KCNH7: variants seen among roughly 807,000 people sequenced by gnomAD.
The protein encoded by KCNH7 is potassium voltage-gated channel subfamily H member 7, also known as voltage-gated inwardly rectifying potassium channel KCNH7.
A neutral mutation model predicts 120.8 loss-of-function variants in KCNH7; 49 were observed. The ratio of observed to expected loss-of-function variants is 0.41; its 90% CI spans 0.32 to 0.51. KCNH7 has a LOEUF of 0.51. Ranked by LOEUF, KCNH7 falls within the 20% of genes least tolerant of loss-of-function variation. KCNH7 has a pLI of 0.38. For missense variants in KCNH7, 1,097 were observed against 1,446.6 expected, an observed-to-expected ratio of 0.76 and a Z score of 3.92; for synonymous variants, 547 against 516.1, an observed-to-expected ratio of 1.06 and a Z score of -0.81.
At chr2:162,481,557 C>CA (rs2105682734) in intron 6 of KCNH7, among the ~76,000 whole-genome samples, 1 of 152,286 alleles carries the variant, frequency 6.6e-6, no homozygotes, top group South Asian at 2.1e-4. Context: ...AGTGTCTCCC[C>CA]ATCATTTCCA....
At chr2:162,465,107 A>G (rs1336499996) in intron 6 of KCNH7, among the ~76,000 whole-genome samples, 1 of 152,166 alleles carries the variant, frequency 6.6e-6, no homozygotes, top group Non-Finnish European at 1.5e-5. Context: ...CCAAGACCTT[A>G]TTATACTGTT....
intron 2 of KCNH7, among the ~76,000 whole-genome samples, chr2:162,763,900 T>C (rs1213362652): frequency 1.3e-5 from 2 of 152,030 alleles, no homozygotes; most frequent in Non-Finnish European, 2.9e-5. Flanking sequence ...GTAAACAATG[T>C]GACAAATACC....
chr2:162,660,830 T>C (rs911073720), intron 2 of KCNH7, among the ~76,000 whole-genome samples: 3 of 152,150 alleles, frequency 2.0e-5, no homozygotes, highest in Admixed American at 6.6e-5. Flanking sequence ...ATAAACACCA[T>C]GAGAAGTTAA....
intron 2 of KCNH7, among the ~76,000 whole-genome samples, chr2:162,741,219 TATTA>T (rs1255669136): frequency 7.4e-6 from 1 of 135,860 alleles, no homozygotes; most frequent in African/African-American, 3.1e-5. Context: ...AATAACATGT[TATTA>T]GTTATACATA....
At chr2:162,437,535 C>T (rs1333482262) in intron 7 of KCNH7, among the ~76,000 whole-genome samples, 3 of 152,072 alleles carry the variant, frequency 2.0e-5, no homozygotes, top group Non-Finnish European at 4.4e-5. Flanking sequence ...TGTGCTACGA[C>T]TTTGGAACAG....
rs111723957 is a variant in KCNH7 at position 162,793,972 on chromosome 2, G to A, written c.307+42565C>T. On this transcript the variant is annotated intron_variant, in intron 2 of 15. Coordinates refer to ENST00000332142, the MANE Select transcript of KCNH7 (RefSeq NM_033272.4). ...CAAAAAAAGGTAACTATGTGAGGTAGTAGGTATGTTAATTGATTGTGGTGA... is the reference window on the plus strand; with the variant it reads ...CAAAAAAAGGTAACTATGTGAGGTAATAGGTATGTTAATTGATTGTGGTGA... Among the ~76,000 whole-genome samples, 523 of 152,092 alleles carry A rather than the reference G, an allele frequency of 3.4e-3. 3 individuals carry two copies. Among genetic ancestry groups the A allele is most frequent in the African/African-American group, 0.012 (495 of 41,518 alleles).
At chr2:162,661,607 A>G (rs1412184800) in intron 2 of KCNH7, among the ~76,000 whole-genome samples, 5 of 152,170 alleles carry the variant, frequency 3.3e-5, no homozygotes, top group Non-Finnish European at 7.3e-5. Context: ...GATATCGTTG[A>G]TACCTTGGAG....
At chr2:162,636,210 T>C (rs1683956977) in intron 2 of KCNH7, among the ~76,000 whole-genome samples, 1 of 152,090 alleles carries the variant, frequency 6.6e-6, no homozygotes, top group Admixed American at 6.6e-5. Flanking sequence ...CACTATCAAA[T>C]CAGGGTAAAT....
At chr2:162,642,656 G>A (rs1284677918) in intron 2 of KCNH7, among the ~76,000 whole-genome samples, 1 of 152,136 alleles carries the variant, frequency 6.6e-6, no homozygotes, top group Non-Finnish European at 1.5e-5. Context: ...ACACTGTGGT[G>A]GCTCCTAGGA....
Position 162,396,896 on chromosome 2 carries a change from T to C in KCNH7, c.2457A>G (p.Gly819=), listed in dbSNP as rs760663691. The stretch of plus-strand genomic sequence containing the variant: ...GGGCTCTTACATCTGCATTAGACTT[T>C]CCAGGTTTGGCATAAAGATGAACCA... ...GEMVHLYAKP[G]KSNADVRALT... is the part of the protein sequence containing the mutation. Residue 819 remains glycine, a synonymous_variant, in exon 11 of 16, where the codon GGA becomes GGG. Coordinates refer to ENST00000332142, the MANE Select transcript of KCNH7 (RefSeq NM_033272.4). The C allele has an allele frequency of 1.2e-6, 2 of 1,611,494 alleles. No homozygotes were observed. Among genetic ancestry groups the C allele is most frequent in the African/African-American group, 1.3e-5 (1 of 74,874 alleles).
At chr2:162,757,855 G>T (rs1393469313) in intron 2 of KCNH7, among the ~76,000 whole-genome samples, 1 of 152,078 alleles carries the variant, frequency 6.6e-6, no homozygotes, top group African/African-American at 2.4e-5. Context: ...CTGCCATTGA[G>T]TGCCATATTT....
intron 8 of KCNH7, among the ~76,000 whole-genome samples, chr2:162,431,123 A>C (rs1275570388): frequency 6.6e-6 from 1 of 152,020 alleles, no homozygotes; most frequent in Non-Finnish European, 1.5e-5. Flanking sequence ...TTAGATATTT[A>C]CTATTTGCAT....
intron 2 of KCNH7, among the ~76,000 whole-genome samples, chr2:162,735,265 T>A (rs920004104): frequency 1.3e-5 from 2 of 152,204 alleles, no homozygotes; most frequent in Admixed American, 1.3e-4. Context: ...AGGAATTCAC[T>A]TCATAAACTC....
chr2:162,670,964 GA>G lies in KCNH7; in HGVS notation c.308-133885del, dbSNP rs5835916. Among the ~76,000 whole-genome samples, 5 of 151,482 alleles carry G rather than the reference GA, an allele frequency of 3.3e-5. 1 individual carries two copies. The South Asian group carries it at 6.3e-4, about 19-fold the overall frequency. On this transcript the variant is annotated intron_variant, in intron 2 of 15. Transcript: ENST00000332142. ...ACATATAAGTGGCCAAGAAACATAT[GA>G]AAAAAAATGCTCAACATCATTAATC...
intron 9 of KCNH7, among the ~76,000 whole-genome samples, chr2:162,409,173 T>G (rs922327429): frequency 1.3e-5 from 2 of 151,692 alleles, no homozygotes; most frequent in Non-Finnish European, 2.9e-5. Context: ...AAATAGAATA[T>G]ATAAATCTTT....
chr2:162,457,407 A>T (rs1689003215), intron 6 of KCNH7, among the ~76,000 whole-genome samples: 2 of 152,166 alleles, frequency 1.3e-5, no homozygotes, highest in South Asian at 4.1e-4. Flanking sequence ...TTCTCAAACC[A>T]CTAATTAAGC....
intron 9 of KCNH7, among the ~76,000 whole-genome samples, chr2:162,408,178 A>C (rs938867071): frequency 1.3e-5 from 2 of 152,064 alleles, no homozygotes; most frequent in Admixed American, 6.6e-5. Context: ...GAATAGTTAG[A>C]CATAAAATGT....
intron 2 of KCNH7, among the ~76,000 whole-genome samples, chr2:162,697,897 C>T (rs1252196065): frequency 6.6e-6 from 1 of 151,980 alleles, no homozygotes; most frequent in Non-Finnish European, 1.5e-5. Flanking sequence ...AAAAAAACTG[C>T]ATGTTATTTG....
chr2:162,520,598 TAAA>T (rs1055872907), intron 3 of KCNH7, among the ~76,000 whole-genome samples: 22 of 151,346 alleles, frequency 1.5e-4, no homozygotes, highest in African/African-American at 5.3e-4. Context: ...CCCATCTCTA[TAAA>T]AAAACAACAA....
Sources: allele counts gnomAD v4.1 joint callset (sites outside exome capture counted in the v4.1 genomes callset), GRCh38; gene constraint gnomAD v4.1.1; transcripts MANE v1.5; gene names NCBI Gene and HGNC (gene_info 2026-07-23, HGNC 2026-07-21).